Variants in CHN1 observed in about 807,000 individuals in gnomAD.
CHN1 encodes chimerin 1, also known as N-chimaerin.
A neutral mutation model predicts 59.5 loss-of-function variants in CHN1; 37 were observed. The observed-to-expected ratio is 0.62, with a 90% CI of 0.48 to 0.82. The LOEUF (loss-of-function observed/expected upper bound fraction) is 0.82. CHN1 is among the 40% of genes least tolerant of loss of function. The probability of loss-of-function intolerance (pLI) is 0.00; values close to 1 mark genes in which losing one functional copy is unlikely to be tolerated. For synonymous variants in CHN1, 206 were observed against 200.4 expected, an observed-to-expected ratio of 1.03 and a Z score of -0.24; for missense variants, 469 against 571.0, an observed-to-expected ratio of 0.82 and a Z score of 1.82.
intron 5 of CHN1, among the ~76,000 whole-genome samples, chr2:174,896,296 C>T (rs559726911): frequency 1.6e-4 from 25 of 152,150 alleles, no homozygotes; most frequent in Admixed American, 1.5e-3. Context: ...AAACACAAAC[C>T]TCTTTGCTTC....
chr2:174,851,209 T>G (rs1240395192), intron 6 of CHN1, among the ~76,000 whole-genome samples: 2 of 152,238 alleles, frequency 1.3e-5, no homozygotes, highest in African/African-American at 4.8e-5. Flanking sequence ...AGGTCATTCT[T>G]GATAGAAACA....
chr2:174,858,896 GAAGAA>G (rs975881001), intron 6 of CHN1, among the ~76,000 whole-genome samples: 67 of 150,892 alleles, frequency 4.4e-4, no homozygotes, highest in African/African-American at 1.5e-3. Context: ...TTGTGAGGAA[GAAGAA>G]AAGATTAAAG....
At chr2:174,852,327 A>C (rs1313279044) in intron 6 of CHN1, among the ~76,000 whole-genome samples, 4 of 152,256 alleles carry the variant, frequency 2.6e-5, no homozygotes, top group African/African-American at 9.6e-5. Context: ...AATCCCATTT[A>C]AAGTAGCCAC....
Position 174,798,979 on chromosome 2 carries a change from G to C in CHN1, c.*1137C>G, listed in dbSNP as rs1010703322. Among the ~76,000 whole-genome samples, 7 of 152,224 alleles carry C rather than the reference G, an allele frequency of 4.6e-5. No homozygotes were observed. Among genetic ancestry groups the C allele is most frequent in the African/African-American group, 1.7e-4 (7 of 41,456 alleles). On this transcript the variant is annotated 3_prime_UTR_variant, in exon 13 of 13. Transcript: ENST00000409900. ...CCAGAATCTGGGCTCCTGGCCCCTAGCTGCAGACCCCTTCTCCAGCCACCA... is the reference window on the plus strand; with the variant it reads ...CCAGAATCTGGGCTCCTGGCCCCTACCTGCAGACCCCTTCTCCAGCCACCA...
At chr2:174,886,687 A>G (rs925421386) in intron 5 of CHN1, among the ~76,000 whole-genome samples, 1 of 152,106 alleles carries the variant, frequency 6.6e-6, no homozygotes, top group Non-Finnish European at 1.5e-5. Flanking sequence ...GATGCTGCCA[A>G]CAGTCTGGTT....
intron 5 of CHN1, among the ~76,000 whole-genome samples, chr2:174,899,913 A>G (rs1411993118): frequency 6.6e-6 from 1 of 152,206 alleles, no homozygotes; most frequent in Admixed American, 6.5e-5. Flanking sequence ...TCTGTTTTCA[A>G]AAAAGTTAGG....
intron 1 of CHN1, among the ~76,000 whole-genome samples, chr2:174,962,568 A>G (rs1255867105): frequency 6.6e-6 from 1 of 151,212 alleles, no homozygotes; most frequent in Non-Finnish European, 1.5e-5. Flanking sequence ...AGAAGCAGAT[A>G]ACCTATGACT....
At position 174,846,968 on chromosome 2, in the gene CHN1, G is replaced by T; in HGVS notation, c.550-11C>A. ...AACAAGTGATGTCAACTGCGAATAA[G>T]CAAAGAGTTTCAGAGGTTGCCAGAT... On this transcript the variant is annotated splice_polypyrimidine_tract_variant and intron_variant, in intron 6 of 12. Coordinates refer to ENST00000409900, the MANE Select transcript of CHN1 (RefSeq NM_001822.7). 6.4e-7 allele frequency: 1 copy of T among 1,553,336 alleles called. No homozygotes were observed. Among genetic ancestry groups the T allele is most frequent in the Admixed American group, 2.0e-5 (1 of 51,140 alleles).
At chr2:174,817,464 AT>A (rs776503923) in intron 8 of CHN1, among the ~76,000 whole-genome samples, 773 of 139,734 alleles carry the variant, frequency 5.5e-3, no homozygotes, top group Non-Finnish European at 6.3e-3. Flanking sequence ...TCATCCCCCA[AT>A]TTTTTTTTTT....
At position 175,005,116 on chromosome 2, in the gene CHN1, C is replaced by A; in HGVS notation, c.-204G>T. The A allele has an allele frequency of 1.5e-6, 2 of 1,317,852 alleles. No homozygotes were observed. Among genetic ancestry groups the A allele is most frequent in the African/African-American group, 3.1e-5 (2 of 64,118 alleles). 81.6% of individuals were successfully genotyped at this position (1,317,852 alleles called of 1,614,324 possible). A position where few individuals can be genotyped will look rare whatever the true frequency, so the allele number is the denominator to read the frequency against. ...AAGTTATTCACGCGTTATTGTCGGG[C>A]GCACCGGGCCCAGGGAGCCCCGCTA... On this transcript the variant is annotated 5_prime_UTR_variant, in exon 1 of 13. Transcript: ENST00000409900.
intron 5 of CHN1, among the ~76,000 whole-genome samples, chr2:174,888,632 G>C (rs187635465): frequency 8.5e-4 from 129 of 152,292 alleles, no homozygotes; most frequent in African/African-American, 3.0e-3. Context: ...AAGCCCAGAA[G>C]GAGGTGCATT....
At chr2:174,957,965 G>T (rs139558123) in intron 1 of CHN1, among the ~76,000 whole-genome samples, 1 of 152,110 alleles carries the variant, frequency 6.6e-6, no homozygotes, top group Non-Finnish European at 1.5e-5. Flanking sequence ...ACCGAGGCCG[G>T]GAGAGCTTCT....
At chr2:174,904,460 C>G (rs1558975276) in intron 5 of CHN1, among the ~76,000 whole-genome samples, 1 of 151,870 alleles carries the variant, frequency 6.6e-6, no homozygotes, top group Non-Finnish European at 1.5e-5. Context: ...GCGATCTCGG[C>G]TCACCACAAC....
At chr2:174,971,992 A>G (rs1326310647) in intron 1 of CHN1, among the ~76,000 whole-genome samples, 1 of 152,210 alleles carries the variant, frequency 6.6e-6, no homozygotes, top group Non-Finnish European at 1.5e-5. Context: ...ATGCCTGAGG[A>G]AATACTTCAA....
At chr2:174,807,446 C>CTGTGTG (rs71031071) in intron 11 of CHN1, among the ~76,000 whole-genome samples, 3,168 of 83,778 alleles carry the variant, frequency 0.038, 252 homozygotes, top group East Asian at 0.048. Context: ...CACGGGCTAT[C>CTGTGTG]TGTGTGTGTG....
intron 1 of CHN1, among the ~76,000 whole-genome samples, chr2:175,001,412 T>C (rs1691885842): frequency 6.6e-6 from 1 of 152,226 alleles, no homozygotes; most frequent in Admixed American, 6.5e-5. Flanking sequence ...GAATATGCCA[T>C]TGCTATTTAA....
Position 174,915,102 on chromosome 2 carries a change from G to T in CHN1, c.216C>A (p.Ile72=). ...LLIVAEGSYL[I]RESQRQPGTY... Reference sequence around the variant, plus strand: ...TCCCTGGCTGCCGCTGGCTCTCCCGGATGAGGTAGCTCCCCTCAGCCACAA... The same window carrying T: ...TCCCTGGCTGCCGCTGGCTCTCCCGTATGAGGTAGCTCCCCTCAGCCACAA... Residue 72 remains isoleucine, a synonymous_variant, in exon 5 of 13, where the codon ATC becomes ATA. Transcript: ENST00000409900. The T allele has an allele frequency of 6.2e-7, 1 of 1,611,948 alleles. No homozygotes were observed. Among genetic ancestry groups the T allele is most frequent in the East Asian group, 2.2e-5 (1 of 44,834 alleles).
chr2:174,942,100 G>A (rs1367432668), intron 3 of CHN1, among the ~76,000 whole-genome samples: 1 of 152,134 alleles, frequency 6.6e-6, no homozygotes, highest in East Asian at 1.9e-4. Flanking sequence ...ATGGTATGGA[G>A]GTTCCACTAA....
chr2:174,928,767 A>G (rs1416989468), intron 3 of CHN1, among the ~76,000 whole-genome samples: 1 of 152,254 alleles, frequency 6.6e-6, no homozygotes, highest in African/African-American at 2.4e-5. Flanking sequence ...CATGTAGACA[A>G]GGCAGTTTTC....
Sources: allele counts gnomAD v4.1 joint callset (sites outside exome capture counted in the v4.1 genomes callset), GRCh38; gene constraint gnomAD v4.1.1; transcripts MANE v1.5; gene names NCBI Gene and HGNC (gene_info 2026-07-23, HGNC 2026-07-21).